Variants in DDX10 observed in about 807,000 individuals in gnomAD.
DDX10 encodes probable ATP-dependent RNA helicase DDX10.
In DDX10, 74 loss-of-function variants were observed where a neutral mutation model predicts 104.3. The observed-to-expected ratio is 0.71, with a 90% CI of 0.59 to 0.86. The LOEUF (loss-of-function observed/expected upper bound fraction) is 0.86, where lower values mean the gene tolerates loss of function less well. Among genes scored for constraint, DDX10 ranks in the 40% least tolerant of loss-of-function variants. The pLI, the probability that DDX10 is intolerant of heterozygous loss-of-function variation, is 0.00. For synonymous variants in DDX10, 351 were observed against 353.4 expected (o/e 0.99, Z 0.08); for missense variants, 952 against 1,040.0 (o/e 0.92, Z 1.16).
chr11:108,810,512 G>A (rs1011250039), intron 13 of DDX10, among the ~76,000 whole-genome samples: 78 of 152,016 alleles, frequency 5.1e-4, no homozygotes, highest in African/African-American at 1.8e-3. Context: ...AGAAAGATGC[G>A]GGGAAGAGGT....
intron 16 of DDX10, among the ~76,000 whole-genome samples, chr11:108,867,754 A>G (rs184126281): frequency 6.6e-5 from 10 of 152,306 alleles, no homozygotes; most frequent in South Asian, 2.1e-4. Flanking sequence ...ATGAAACATG[A>G]TAATGGACAG....
rs1411042746 is a variant in DDX10, at chr11:108,810,196, G to C, written c.1966-28250G>C. Among the ~76,000 whole-genome samples, 3 of 152,216 alleles carry C rather than the reference G, an allele frequency of 2.0e-5. No homozygotes were observed. The East Asian group carries it at 5.8e-4, about 29-fold the overall frequency. ...ATGGGCATGGAGAAGGAGATAGTTA[G>C]GACTGGTTATTTGTTTTCCTTCCTA... On this transcript the variant is annotated intron_variant, in intron 13 of 17. Coordinates refer to ENST00000322536, the MANE Select transcript of DDX10 (RefSeq NM_004398.4).
At chr11:108,879,967 G>A (rs893365808) in intron 16 of DDX10, among the ~76,000 whole-genome samples, 23 of 152,072 alleles carry the variant, frequency 1.5e-4, no homozygotes, top group Non-Finnish European at 3.1e-4. Flanking sequence ...AGTAACTAAA[G>A]GCAATTTCCT....
At chr11:108,717,498 A>T (rs1824664) in intron 11 of DDX10, among the ~76,000 whole-genome samples, 71,058 of 151,884 alleles carry the variant, frequency 0.47, 19,615 homozygotes, top group Non-Finnish European at 0.61. Context: ...TTTAGTAGAG[A>T]TAGGGTTTCA....
intron 16 of DDX10, among the ~76,000 whole-genome samples, chr11:108,908,879 A>G (rs1478553837): frequency 6.6e-6 from 1 of 152,242 alleles, no homozygotes. Context: ...TGTGAAACAG[A>G]TGCTTTTTAC....
intron 17 of DDX10, among the ~76,000 whole-genome samples, chr11:108,925,810 T>G (rs902422274): frequency 6.6e-6 from 1 of 152,248 alleles, no homozygotes; most frequent in Non-Finnish European, 1.5e-5. Flanking sequence ...TACCCATGCT[T>G]AGGTTTTGGG....
intron 16 of DDX10, among the ~76,000 whole-genome samples, chr11:108,904,419 G>A (rs899976308): frequency 1.3e-5 from 2 of 152,078 alleles, no homozygotes; most frequent in Admixed American, 6.5e-5. Context: ...AATGCACATG[G>A]TTAATGGATT....
At chr11:108,900,115 A>G (rs563370750) in intron 16 of DDX10, among the ~76,000 whole-genome samples, 35 of 151,660 alleles carry the variant, frequency 2.3e-4, no homozygotes, top group Non-Finnish European at 3.5e-4. Context: ...TCTGTCTCAA[A>G]AAAAAAAAAA....
At chr11:108,938,626 CTGAATT>C (rs1439605410) in intron 17 of DDX10, among the ~76,000 whole-genome samples, 3 of 152,138 alleles carry the variant, frequency 2.0e-5, no homozygotes, top group Non-Finnish European at 2.9e-5. Context: ...TCTTTGCTGA[CTGAATT>C]TGTATCACAG....
intron 1 of DDX10, among the ~76,000 whole-genome samples, chr11:108,669,267 T>G (rs1221113925): frequency 6.6e-6 from 1 of 152,042 alleles, no homozygotes; most frequent in East Asian, 1.9e-4. Flanking sequence ...CTAATTTTTT[T>G]GGTAATTTTT....
intron 13 of DDX10, among the ~76,000 whole-genome samples, chr11:108,833,884 C>T (rs1862509980): frequency 1.3e-5 from 2 of 152,194 alleles, no homozygotes; most frequent in South Asian, 2.1e-4. Context: ...AAGAAGTATA[C>T]TTTTGGACAC....
intron 10 of DDX10, among the ~76,000 whole-genome samples, chr11:108,712,325 T>A (rs994854736): frequency 6.6e-6 from 1 of 152,230 alleles, no homozygotes; most frequent in Admixed American, 6.5e-5. Context: ...TGGATGAATA[T>A]CTAATGTATT....
In DDX10 at chr11:108,729,572, T is replaced by G. The variant is rs1446878842; in HGVS notation, c.1965+6110T>G. Among the ~76,000 whole-genome samples the G allele has an allele frequency of 2.6e-5, 4 of 151,870 alleles. No homozygotes were observed. In the South Asian group the frequency reaches 6.2e-4, roughly 24 times the overall value. On this transcript the variant is annotated intron_variant, in intron 13 of 17. Coordinates refer to ENST00000322536, the MANE Select transcript of DDX10 (RefSeq NM_004398.4). ...CAAAACAAGGAAGAACAAAAGAAATTGTTGCAGGCCTTTTTTTTTTTCCTC... is the reference window on the plus strand; with the variant it reads ...CAAAACAAGGAAGAACAAAAGAAATGGTTGCAGGCCTTTTTTTTTTTCCTC...
At chr11:108,740,755 A>T (rs1231067290) in intron 13 of DDX10, among the ~76,000 whole-genome samples, 1 of 151,392 alleles carries the variant, frequency 6.6e-6, no homozygotes, top group Non-Finnish European at 1.5e-5. Flanking sequence ...GCATTTTTTC[A>T]TATGCTTTTT....
chr11:108,931,014 C>G (rs1450943275), intron 17 of DDX10, among the ~76,000 whole-genome samples: 1 of 152,202 alleles, frequency 6.6e-6, no homozygotes, highest in Admixed American at 6.5e-5. Flanking sequence ...TCTCTTCCCT[C>G]CAACAACATT....
intron 9 of DDX10, among the ~76,000 whole-genome samples, chr11:108,694,903 T>TA (rs1034271934): frequency 1.5e-4 from 23 of 148,874 alleles, no homozygotes; most frequent in African/African-American, 4.2e-4. Flanking sequence ...ACAAAACAAA[T>TA]AAAAAAAAAC....
chr11:108,769,643 A>G, intron 13 of DDX10, among the ~76,000 whole-genome samples: 1 of 152,030 alleles, frequency 6.6e-6, no homozygotes, highest in Non-Finnish European at 1.5e-5. Flanking sequence ...ATAATTTTGT[A>G]TTATGAACTC....
intron 13 of DDX10, among the ~76,000 whole-genome samples, chr11:108,779,631 C>T (rs1337534062): frequency 6.6e-6 from 1 of 151,958 alleles, no homozygotes; most frequent in Non-Finnish European, 1.5e-5. Flanking sequence ...AACAAACCTG[C>T]ACGTTGTGCA....
At chr11:108,712,805 G>A (rs939794801) in intron 10 of DDX10, among the ~76,000 whole-genome samples, 10 of 145,746 alleles carry the variant, frequency 6.9e-5, no homozygotes, top group African/African-American at 1.5e-4. Flanking sequence ...TCTCACTTAC[G>A]TTTTTTTTTT....
Sources: gnomAD v4.1 joint callset for allele counts (sites outside exome capture counted in the v4.1 genomes callset) on GRCh38, gnomAD v4.1.1 for gene constraint, MANE v1.5 for transcripts, NCBI Gene and HGNC (gene_info 2026-07-23, HGNC 2026-07-21) for gene names.